Variants in ZBTB20 observed in about 807,000 individuals in gnomAD.
The protein encoded by ZBTB20 is zinc finger and BTB domain-containing protein 20.
A neutral mutation model predicts 56.9 loss-of-function variants in ZBTB20; 9 were observed. The ratio of observed to expected loss-of-function variants is 0.16; its 90% CI spans 0.10 to 0.28. The LOEUF (loss-of-function observed/expected upper bound fraction) is 0.28. ZBTB20 is among the 10% of genes least tolerant of loss of function. The pLI is 1.00. For synonymous variants in ZBTB20, 417 were observed against 420.7 expected, an observed-to-expected ratio of 0.99 and a Z score of 0.11; for missense variants, 655 against 1,003.0, an observed-to-expected ratio of 0.65 and a Z score of 4.69.
At chr3:114,402,018 A>C (rs2086865466) in intron 7 of ZBTB20, among the ~76,000 whole-genome samples, 1 of 152,188 alleles carries the variant, frequency 6.6e-6, no homozygotes, top group Non-Finnish European at 1.5e-5. Flanking sequence ...TATCATGTAA[A>C]TTGGACTGGG....
At chr3:114,549,393 A>T (rs1200667600) in intron 6 of ZBTB20, among the ~76,000 whole-genome samples, 1 of 152,192 alleles carries the variant, frequency 6.6e-6, no homozygotes, top group Non-Finnish European at 1.5e-5. Context: ...CTTTATTAAG[A>T]TATTATCAAA....
chr3:114,364,473 C>CA (rs1560140690), intron 10 of ZBTB20, among the ~76,000 whole-genome samples: 1 of 152,076 alleles, frequency 6.6e-6, no homozygotes. Context: ...AAACATCCCC[C>CA]AACAATTTAT....
At chr3:114,812,966 C>T (rs1056201529) in intron 4 of ZBTB20, among the ~76,000 whole-genome samples, 1 of 149,640 alleles carries the variant, frequency 6.7e-6, no homozygotes, top group African/African-American at 2.5e-5. Flanking sequence ...TCCGTCTAGC[C>T]CACGCCCACC....
intron 7 of ZBTB20, among the ~76,000 whole-genome samples, chr3:114,434,558 T>TTTGTGTGTGTG (rs2090374381): frequency 1.4e-5 from 2 of 145,944 alleles, no homozygotes; most frequent in African/African-American, 2.6e-5. Context: ...GTGTGTGTGT[T>TTTGTGTGTGTG]TGTGTGTGTG....
chr3:114,685,241 G>A (rs1033042680), intron 6 of ZBTB20, among the ~76,000 whole-genome samples: 3 of 152,124 alleles, frequency 2.0e-5, no homozygotes, highest in African/African-American at 7.2e-5. Flanking sequence ...ATTGGTGATT[G>A]AGGTAAAGCC....
At chr3:115,103,234 G>T (rs1041436379) in intron 1 of ZBTB20, among the ~76,000 whole-genome samples, 1 of 152,146 alleles carries the variant, frequency 6.6e-6, no homozygotes, top group African/African-American at 2.4e-5. Context: ...ATTTGGTTCT[G>T]TAGAAAGATC....
chr3:114,718,363 T>C (rs2064658666), intron 5 of ZBTB20, among the ~76,000 whole-genome samples: 1 of 152,126 alleles, frequency 6.6e-6, no homozygotes, highest in African/African-American at 2.4e-5. Flanking sequence ...CCTTTAAGAA[T>C]ACAAGATATA....
intron 6 of ZBTB20, among the ~76,000 whole-genome samples, chr3:114,526,849 G>A (rs1577302230): frequency 1.3e-5 from 2 of 152,160 alleles, no homozygotes; most frequent in East Asian, 3.9e-4. Context: ...TCTGTTGGGT[G>A]CACAGTTTGG....
chr3:114,436,085 C>T (rs1010186621), intron 7 of ZBTB20, among the ~76,000 whole-genome samples: 11 of 152,164 alleles, frequency 7.2e-5, no homozygotes, highest in South Asian at 2.1e-4. Context: ...CCTTCCCACC[C>T]GCCAACGGTG....
rs759787788 is a variant in ZBTB20 at position 114,350,404 on chromosome 3, C to T, written c.1674G>A (p.Gln558=). 6.2e-7 allele frequency: 1 copy of T among 1,614,176 alleles called. No homozygotes were observed. Among genetic ancestry groups the T allele is most frequent in the East Asian group, 2.2e-5 (1 of 44,872 alleles). The change falls in exon 11 of 12, where the codon CAG becomes CAA. Residue 558 remains glutamine (Q), a synonymous_variant. Coordinates refer to ENST00000675478, the MANE Select transcript of ZBTB20 (RefSeq NM_001348800.3). ...STFTAQLPAP[Q]PLASSAGHST... is the part of the protein sequence containing the mutation. ...TGTGGCCTGCGGATGAGGCCAGGGG[C>T]TGTGGCGCTGGCAGCTGTGCAGTAA... is the stretch of plus-strand genomic sequence containing the variant.
chr3:114,628,172 T>C (rs1012990311), intron 6 of ZBTB20, among the ~76,000 whole-genome samples: 1 of 152,216 alleles, frequency 6.6e-6, no homozygotes, highest in Non-Finnish European at 1.5e-5. Flanking sequence ...GTAATCTCTA[T>C]GCTCTCAGTT....
chr3:115,047,781 T>C (rs1048421918), intron 2 of ZBTB20, among the ~76,000 whole-genome samples: 3 of 152,206 alleles, frequency 2.0e-5, no homozygotes, highest in Non-Finnish European at 4.4e-5. Context: ...CAGCTTTCAC[T>C]ATAGTAAAGT....
chr3:115,125,279 A>T (rs915842871), intron 1 of ZBTB20, among the ~76,000 whole-genome samples: 3 of 151,710 alleles, frequency 2.0e-5, no homozygotes, highest in Non-Finnish European at 4.4e-5. Context: ...GGAGGTCAAG[A>T]CAGGAGTGAA....
intron 5 of ZBTB20, among the ~76,000 whole-genome samples, chr3:114,765,304 A>G (rs571893501): frequency 6.6e-6 from 1 of 152,278 alleles, no homozygotes. Flanking sequence ...CCTAATTAAG[A>G]TGCAGTCGTA....
intron 3 of ZBTB20, among the ~76,000 whole-genome samples, chr3:114,918,449 C>T (rs1055091002): frequency 6.6e-6 from 1 of 152,000 alleles, no homozygotes; most frequent in African/African-American, 2.4e-5. Context: ...CCTGTAGCCA[C>T]CACAGCTGGG....
chr3:115,111,618 T>C (rs1400979977), intron 1 of ZBTB20, among the ~76,000 whole-genome samples: 1 of 152,136 alleles, frequency 6.6e-6, no homozygotes, highest in Non-Finnish European at 1.5e-5. Context: ...AATAAAACAA[T>C]AGATATTATA....
rs571646290 is a variant in ZBTB20, at chr3:114,691,571, T to C, written c.-295+1957A>G. Among the ~76,000 whole-genome samples, 3 of 152,186 alleles carry C rather than the reference T, an allele frequency of 2.0e-5. No individual in the cohort carries two copies. In the South Asian group the frequency reaches 6.2e-4, roughly 32 times the overall value. The stretch of plus-strand genomic sequence containing the variant: ...TAAATAATAATAATAATGCTCTTAT[T>C]GGGCATTTAGGTTAAATGAGCTATT... On this transcript the variant is annotated intron_variant, in intron 6 of 11. Transcript: ENST00000675478.
intron 5 of ZBTB20, among the ~76,000 whole-genome samples, chr3:114,722,900 T>C (rs1019118479): frequency 5.3e-5 from 8 of 152,212 alleles, no homozygotes; most frequent in Non-Finnish European, 7.4e-5. Flanking sequence ...TATGACATTA[T>C]AGCAAAGACA....
intron 4 of ZBTB20, among the ~76,000 whole-genome samples, chr3:114,857,484 T>C (rs2075304322): frequency 6.6e-6 from 1 of 152,190 alleles, no homozygotes; most frequent in Non-Finnish European, 1.5e-5. Context: ...TTGGTGGTTA[T>C]TAAGCACTGG....
Sources: gnomAD v4.1 joint callset for allele counts (sites outside exome capture counted in the v4.1 genomes callset) on GRCh38, gnomAD v4.1.1 for gene constraint, MANE v1.5 for transcripts, NCBI Gene and HGNC (gene_info 2026-07-23, HGNC 2026-07-21) for gene names.